SYTL3: variants seen among roughly 807,000 people sequenced by gnomAD.
The protein encoded by SYTL3 is synaptotagmin-like protein 3.
A neutral mutation model predicts 82.1 loss-of-function variants in SYTL3; 88 were observed. The observed-to-expected ratio is 1.07, with a 90% CI of 0.90 to 1.28. The LOEUF (loss-of-function observed/expected upper bound fraction) is 1.28, where lower values mean the gene tolerates loss of function less well. Among genes scored for constraint, SYTL3 ranks in the 50% most tolerant of loss-of-function variants. The pLI is 0.00. For missense variants in SYTL3, 831 were observed against 757.6 expected, an observed-to-expected ratio of 1.10 and a Z score of -1.14; for synonymous variants, 311 against 289.4, an observed-to-expected ratio of 1.07 and a Z score of -0.76.
chr6:158,746,983 G>T (rs1435798779), intron 12 of SYTL3, among the ~76,000 whole-genome samples: 2 of 151,766 alleles, frequency 1.3e-5, no homozygotes, highest in African/African-American at 4.8e-5. Context: ...TGCCACTTAG[G>T]TTTATTTTAT....
At chr6:158,708,074 C>T (rs962355265) in intron 7 of SYTL3, among the ~76,000 whole-genome samples, 4 of 152,162 alleles carry the variant, frequency 2.6e-5, no homozygotes, top group Non-Finnish European at 4.4e-5. Context: ...TTTCAGAACA[C>T]ATGACTGAGT....
chr6:158,741,292 C>T (rs930988555), intron 11 of SYTL3, among the ~76,000 whole-genome samples: 9 of 152,194 alleles, frequency 5.9e-5, no homozygotes, highest in Non-Finnish European at 1.3e-4. Flanking sequence ...TGGTCTCGAA[C>T]TCCTGACCTC....
intron 4 of SYTL3, among the ~76,000 whole-genome samples, chr6:158,664,316 G>A (rs1165985693): frequency 4.6e-5 from 7 of 152,310 alleles, no homozygotes; most frequent in Non-Finnish European, 5.9e-5. Flanking sequence ...AGGTTGAGGC[G>A]GGCGGATCAC....
At chr6:158,757,591 G>C (rs930428430) in intron 14 of SYTL3, among the ~76,000 whole-genome samples, 21 of 132,694 alleles carry the variant, frequency 1.6e-4, no homozygotes, top group African/African-American at 5.0e-4. Context: ...CTCTGTTCAG[G>C]TACCCGAACA....
intron 12 of SYTL3, among the ~76,000 whole-genome samples, chr6:158,750,375 A>C (rs1162926404): frequency 2.0e-5 from 3 of 152,152 alleles, no homozygotes; most frequent in Admixed American, 1.3e-4. Context: ...ATGGGTGTGC[A>C]CTTTATTATA....
At chr6:158,652,188 A>T (rs976702699) in intron 2 of SYTL3, among the ~76,000 whole-genome samples, 3 of 151,922 alleles carry the variant, frequency 2.0e-5, no homozygotes, top group Non-Finnish European at 2.9e-5. Context: ...TCGGCCTCCC[A>T]AAGTGTTGGG....
chr6:158,686,838 C>T (rs762996800), intron 6 of SYTL3, among the ~76,000 whole-genome samples: 1 of 152,206 alleles, frequency 6.6e-6, no homozygotes. Flanking sequence ...TGGCCAGACA[C>T]AGGTCGGAAG....
intron 6 of SYTL3, among the ~76,000 whole-genome samples, chr6:158,705,021 G>A (rs1781860349): frequency 1.2e-5 from 1 of 81,026 alleles, no homozygotes; most frequent in Non-Finnish European, 2.2e-5. Flanking sequence ...GGGGCAGGGT[G>A]ACAGTGAGGG....
chr6:158,676,827 A>C (rs1440435319), intron 5 of SYTL3, among the ~76,000 whole-genome samples: 1 of 152,218 alleles, frequency 6.6e-6, no homozygotes, highest in Non-Finnish European at 1.5e-5. Context: ...ACTGGCCATC[A>C]GAGAAATGCA....
chr6:158,734,586 T>C (rs937470676), intron 11 of SYTL3, among the ~76,000 whole-genome samples: 1 of 152,138 alleles, frequency 6.6e-6, no homozygotes, highest in Non-Finnish European at 1.5e-5. Flanking sequence ...TCACAAGTCA[T>C]GCAGTCCCTT....
At chr6:158,686,694 ACTGT>A (rs1364656871) in intron 6 of SYTL3, among the ~76,000 whole-genome samples, 2 of 152,184 alleles carry the variant, frequency 1.3e-5, no homozygotes, top group East Asian at 1.9e-4. Context: ...GGAAATAGAA[ACTGT>A]CTGGTTATTT....
intron 12 of SYTL3, among the ~76,000 whole-genome samples, chr6:158,749,515 T>TC (rs1788130326): frequency 7.2e-6 from 1 of 138,914 alleles, no homozygotes; most frequent in African/African-American, 2.7e-5. Context: ...CTCTTTTTTT[T>TC]TTTTTTTTTT....
intron 5 of SYTL3, 118 bp from the exon 6 acceptor site, chr6:158,682,807 T>C (rs1175733995): frequency 2.2e-5 from 15 of 687,766 alleles, no homozygotes; most frequent in Non-Finnish European, 3.5e-5. Context: ...AGGAAATTGA[T>C]TGCTGAGGTC....
chr6:158,689,651 C>A (rs1278393026), intron 6 of SYTL3, among the ~76,000 whole-genome samples: 1 of 144,800 alleles, frequency 6.9e-6, no homozygotes, highest in Admixed American at 6.9e-5. Flanking sequence ...TTTTACTTAA[C>A]TTTTTTTTTT....
chr6:158,738,999 C>T (rs1583436035), intron 11 of SYTL3, among the ~76,000 whole-genome samples: 1 of 152,344 alleles, frequency 6.6e-6, no homozygotes, highest in Middle Eastern at 3.4e-3. Context: ...TTGGCATTCC[C>T]ACCTTTCCCC....
chr6:158,672,757 T>A (rs1250482450), intron 5 of SYTL3, among the ~76,000 whole-genome samples: 5 of 151,826 alleles, frequency 3.3e-5, no homozygotes, highest in African/African-American at 1.2e-4. Context: ...TCAGTTTCCC[T>A]AGTAGCTGAG....
At chr6:158,732,579 A>G (rs914102427) in intron 11 of SYTL3, among the ~76,000 whole-genome samples, 7 of 152,198 alleles carry the variant, frequency 4.6e-5, no homozygotes, top group African/African-American at 7.2e-5. Context: ...TCTCTCTGCT[A>G]TTTCCTAAAG....
intron 11 of SYTL3, among the ~76,000 whole-genome samples, chr6:158,727,390 C>T (rs867808701): frequency 1.3e-5 from 2 of 151,854 alleles, no homozygotes; most frequent in Admixed American, 6.6e-5. Context: ...AGGCTGGTCT[C>T]GAACTCTTGA....
chr6:158,752,054 G>T, intron 13 of SYTL3, 24 bp downstream of exon 13: 1 of 1,543,666 alleles, frequency 6.5e-7, no homozygotes, highest in Non-Finnish European at 8.7e-7. Context: ...AGATATTCCT[G>T]TGCAGAGTCC....
Sources: allele counts gnomAD v4.1 joint callset (sites outside exome capture counted in the v4.1 genomes callset), GRCh38; gene constraint gnomAD v4.1.1; transcripts MANE v1.5; gene names NCBI Gene and HGNC (gene_info 2026-07-23, HGNC 2026-07-21).